Variants in RIF1 observed in about 807,000 individuals in gnomAD.
RIF1 encodes replication timing regulatory factor 1, also known as telomere-associated protein RIF1.
In RIF1, 45 loss-of-function variants were observed where a neutral mutation model predicts 247.1. The observed-to-expected ratio is 0.18, with a 90% CI of 0.14 to 0.23. The LOEUF (loss-of-function observed/expected upper bound fraction) is 0.23, where lower values mean the gene tolerates loss of function less well. Among genes scored for constraint, RIF1 ranks in the 10% least tolerant of loss-of-function variants. The pLI is 1.00. For missense variants in RIF1, 2,967 were observed against 2,862.5 expected (o/e 1.04, Z -0.83); for synonymous variants, 1,087 against 978.8 (o/e 1.11, Z -2.06).
At chr2:151,412,698 A>ATCTTGAAC (rs1454541188) in intron 3 of RIF1, among the ~76,000 whole-genome samples, 1 of 151,932 alleles carries the variant, frequency 6.6e-6, no homozygotes, top group Non-Finnish European at 1.5e-5. Flanking sequence ...GACCAGGCTG[A>ATCTTGAAC]TCTTGAACTC....
intron 9 of RIF1, chr2:151,491,420 A>G (rs986358284): frequency 2.9e-6 from 1 of 339,642 alleles, no homozygotes; most frequent in Admixed American, 4.0e-5. Context: ...TAGAATTACT[A>G]CTGTTTTTTC....
chr2:151,447,353 C>T (rs1693499156), intron 20 of RIF1, among the ~76,000 whole-genome samples: 1 of 152,240 alleles, frequency 6.6e-6, no homozygotes, highest in Non-Finnish European at 1.5e-5. Flanking sequence ...TTGATCCTTG[C>T]ATATGCATTT....
At chr2:151,505,379 T>C (rs1382005529) in intron 12 of RIF1, 2 of 1,044,682 alleles carry the variant, frequency 1.9e-6, no homozygotes, top group African/African-American at 1.6e-5. Flanking sequence ...CCCCAAGGCA[T>C]GGAAGCTCTT....
chr2:151,463,047 C>T lies in RIF1; in HGVS notation c.3527C>T (p.Ala1176Val), dbSNP rs548043877. 2.5e-6 allele frequency: 4 copies of T among 1,613,798 alleles called. No homozygotes were observed. In the South Asian group the frequency reaches 3.3e-5, roughly 13 times the overall value. The change falls in exon 30 of 36, where the codon GCT becomes GTT. Residue 1176 changes from alanine to valine, a missense_variant. Physicochemically the swap from Ala to Val is moderately conservative, Grantham distance 64 (BLOSUM62 0). Coordinates refer to ENST00000444746, the MANE Select transcript of RIF1 (RefSeq NM_018151.5). The stretch of plus-strand genomic sequence containing the variant: ...AGTAATAATGATGAAAGAAAAAAAG[C>T]TTTAATTTCATCAAGGAAAACATCA... ...SNSNNDERKK[A>V]LISSRKTSTE...
chr2:151,453,671 C>G (rs1428139876), intron 21 of RIF1, among the ~76,000 whole-genome samples: 2 of 151,572 alleles, frequency 1.3e-5, no homozygotes, highest in Non-Finnish European at 2.9e-5. Flanking sequence ...GATTCAGGGT[C>G]CATTCATTAC....
At chr2:151,484,433 T>C (rs2049374554), downstream of RIF1, among the ~76,000 whole-genome samples, 1 of 152,208 alleles carries the variant, frequency 6.6e-6, no homozygotes, top group Non-Finnish European at 1.5e-5. Flanking sequence ...CTGTCTGTAC[T>C]GAAAATACAA....
At chr2:151,439,972 CAAA>C (rs1165450117) in intron 14 of RIF1, 52 bp from the exon 15 acceptor site, 8,132 of 269,778 alleles carry the variant, frequency 0.03, no homozygotes, top group Middle Eastern at 0.047. Context: ...GACCCTGTCT[CAAA>C]AAAAAAAAAA....
intron 25 of RIF1, among the ~76,000 whole-genome samples, chr2:151,459,457 G>A (rs1695780043): frequency 6.6e-6 from 1 of 152,048 alleles, no homozygotes; most frequent in African/African-American, 2.4e-5. Context: ...ATTTTGTTTA[G>A]AATCTTTGGG....
the RIF1 span, among the ~76,000 whole-genome samples, chr2:151,532,405 T>G: frequency 3.3e-5 from 5 of 152,286 alleles, no homozygotes; most frequent in East Asian, 9.7e-4. Flanking sequence ...CATTTTTCCA[T>G]GTCAAAGATG....
intron 10 of RIF1, chr2:151,498,221 A>G (rs2061662596): frequency 6.5e-7 from 1 of 1,550,098 alleles, no homozygotes; most frequent in South Asian, 1.2e-5. Context: ...TTTAATTCTG[A>G]AGTTAAGTGG....
intron 10 of RIF1, chr2:151,498,393 A>ATCAG (rs1241842579): frequency 2.1e-6 from 3 of 1,422,886 alleles, no homozygotes; most frequent in Non-Finnish European, 2.9e-6. Flanking sequence ...AAAGCAATCA[A>ATCAG]TCAGTCATTT....
chr2:151,509,903 C>T (rs921529569), downstream of RIF1, among the ~76,000 whole-genome samples: 2 of 152,152 alleles, frequency 1.3e-5, no homozygotes, highest in African/African-American at 2.4e-5. Flanking sequence ...CCACTGCGCC[C>T]GACCAAGAGT....
At chr2:151,448,336 G>A (rs550786156) in intron 20 of RIF1, among the ~76,000 whole-genome samples, 4 of 152,014 alleles carry the variant, frequency 2.6e-5, no homozygotes, top group Non-Finnish European at 5.9e-5. Context: ...GAGCCGCCGC[G>A]CCCAGCCAAA....
chr2:151,513,776 A>G, the RIF1 span: 1 of 917,252 alleles, frequency 1.1e-6, no homozygotes, highest in Non-Finnish European at 1.7e-6. Context: ...GTAAATCCAC[A>G]TAACACGCCA....
chr2:151,508,610 A>G (rs571243008), downstream of RIF1, among the ~76,000 whole-genome samples: 91 of 152,340 alleles, frequency 6.0e-4, no homozygotes, highest in African/African-American at 2.0e-3. Flanking sequence ...GCTCCCAGCT[A>G]TAGGACTGAG....
At chr2:151,415,398 C>T (rs1053361640) in intron 4 of RIF1, among the ~76,000 whole-genome samples, 8 of 150,466 alleles carry the variant, frequency 5.3e-5, no homozygotes, top group Non-Finnish European at 1.0e-4. Flanking sequence ...GCTCTAACTT[C>T]GATACTACAA....
intron 9 of RIF1, among the ~76,000 whole-genome samples, chr2:151,490,935 C>T (rs1434733903): frequency 6.6e-6 from 1 of 152,180 alleles, no homozygotes; most frequent in African/African-American, 2.4e-5. Context: ...ATGGGCAGAC[C>T]TTTAAAATTG....
intron 21 of RIF1, among the ~76,000 whole-genome samples, chr2:151,454,438 G>A (rs995251763): frequency 5.3e-5 from 8 of 151,990 alleles, no homozygotes; most frequent in East Asian, 1.9e-4. Context: ...TTATTTGTAG[G>A]GATCAATGTA....
chr2:151,496,915 GT>G (rs762961586), intron 10 of RIF1: 3 of 1,527,576 alleles, frequency 2.0e-6, no homozygotes, highest in East Asian at 2.4e-5. Flanking sequence ...TCAGTAAGTA[GT>G]TTTTTTCTTT....
Sources: gnomAD v4.1 joint callset for allele counts (sites outside exome capture counted in the v4.1 genomes callset) on GRCh38, gnomAD v4.1.1 for gene constraint, MANE v1.5 for transcripts, NCBI Gene and HGNC (gene_info 2026-07-23, HGNC 2026-07-21) for gene names.